Variants in SLC46A1 observed in about 807,000 individuals in gnomAD.
The protein encoded by SLC46A1 is proton-coupled folate transporter.
Under a neutral mutation model 32.1 loss-of-function variants are expected in SLC46A1, and 17 were observed. That is an observed-to-expected ratio of 0.53 (90% CI 0.36 to 0.79). The LOEUF (loss-of-function observed/expected upper bound fraction) is 0.79, where lower values mean the gene tolerates loss of function less well. Among genes scored for constraint, SLC46A1 ranks in the 30% least tolerant of loss-of-function variants. The pLI, the probability that SLC46A1 is intolerant of heterozygous loss-of-function variation, is 0.00. For synonymous variants in SLC46A1, 240 were observed against 262.7 expected (o/e 0.91, Z 0.84); for missense variants, 517 against 588.2 (o/e 0.88, Z 1.25).
chr17:28,405,196 G>C lies in SLC46A1; in HGVS notation c.501C>G (p.Ser167=), dbSNP rs2068243273. 6.2e-7 allele frequency: 1 copy of C among 1,603,488 alleles called. No homozygotes were observed. Among genetic ancestry groups the C allele is most frequent in the Non-Finnish European group, 8.5e-7 (1 of 1,175,144 alleles). Residue 167 remains serine, a synonymous_variant, in exon 2 of 5, where the codon TCC becomes TCG. Coordinates refer to ENST00000612814, the MANE Select transcript of SLC46A1 (RefSeq NM_080669.6). ...FGGLLAASFA[S]VADVSSSRSR... ...TGCGACTGGAGCTGACATCTGCCACGGACGCAAAGCTAGCAGCCAGAAGGC... is the reference window on the plus strand; with the variant it reads ...TGCGACTGGAGCTGACATCTGCCACCGACGCAAAGCTAGCAGCCAGAAGGC...
intron 2 of SLC46A1, 99 bp downstream of exon 2, chr17:28,404,517 G>T: frequency 6.8e-7 from 1 of 1,469,358 alleles, no homozygotes; most frequent in Non-Finnish European, 9.3e-7. Flanking sequence ...TGTTTCCAAA[G>T]ACACAGGAAT....
rs2068126400 is a variant in SLC46A1, at chr17:28,396,535, C to T, written c.*3121G>A. On this transcript the variant is annotated 3_prime_UTR_variant, in exon 5 of 5. Transcript: ENST00000612814. ...CCCCCAGGCCCTGCCATTGGGTTGT[C>T]TGTCTCCGTCATGGGGAGGGTCCCT... 3.7e-6 allele frequency: 2 copies of T among 543,938 alleles called. No homozygotes were observed. The highest frequency in any genetic ancestry group is 6.3e-5 in the East Asian group (2 of 31,986). 33.7% of individuals were successfully genotyped at this position (543,938 alleles called of 1,614,324 possible). A position where few individuals can be genotyped will look rare whatever the true frequency, so the allele number is the denominator to read the frequency against.
chr17:28,395,770 C>A lies in SLC46A1; in HGVS notation c.*3886G>T. ...ATTACACTACAAGGGTTAAGGTAGA[C>A]ATCAAGGTGGACATCAGGACTGGTG... On this transcript the variant is annotated 3_prime_UTR_variant, in exon 5 of 5. Coordinates refer to ENST00000612814, the MANE Select transcript of SLC46A1 (RefSeq NM_080669.6). 2.4e-6 allele frequency: 2 copies of A among 846,564 alleles called. No homozygotes were observed. Among genetic ancestry groups the A allele is most frequent in the Non-Finnish European group, 1.9e-6 (1 of 521,256 alleles). 52.4% of individuals were successfully genotyped at this position (846,564 alleles called of 1,614,324 possible).
chr17:28,405,484 G>T lies in SLC46A1; in HGVS notation c.229-16C>A. 6.3e-7 allele frequency: 1 copy of T among 1,594,718 alleles called. No homozygotes were observed. The highest frequency in any genetic ancestry group is 1.1e-5 in the South Asian group (1 of 87,776). On this transcript the variant is annotated splice_polypyrimidine_tract_variant and intron_variant, in intron 1 of 4. Coordinates refer to ENST00000612814, the MANE Select transcript of SLC46A1 (RefSeq NM_080669.6). ...TCTCCACTTCCTGTAGGGGCACAAT[G>T]ACCAGGGTGCGGTTCCTCACTCTGG...
At chr17:28,405,586 G>A in intron 1 of SLC46A1, 118 bp from the exon 2 acceptor site, 2 of 1,439,416 alleles carry the variant, frequency 1.4e-6, no homozygotes, top group Middle Eastern at 2.4e-4. Context: ...AAACCTCAGA[G>A]AATCTTAGCA....
rs1555589318 is a variant in SLC46A1, at chr17:28,400,622, G to C, written c.1310C>G (p.Ala437Gly). Reference protein sequence around the residue: ...LLGAGLLLIPAVLIGMLEKAD... With the variant: ...LLGAGLLLIPGVLIGMLEKAD... ...GGCCCTGCATTACCCAATCAGAACA[G>C]CCGGGATGAGCAGGAGGCCAGCTCC... The change falls in exon 4 of 5, where the codon GCT (alanine) becomes GGT (glycine). Residue 437 changes from alanine to glycine, a missense_variant. By Grantham distance (60) the Ala-to-Gly change is moderately conservative. Transcript: ENST00000612814. 2 of 1,613,742 alleles carry C rather than the reference G, an allele frequency of 1.2e-6. No individual in the cohort carries two copies. The highest frequency in any genetic ancestry group is 1.1e-5 in the South Asian group (1 of 91,050).
rs1046966571 is a variant in SLC46A1, at chr17:28,395,565, G to T, written c.*4091C>A. The T allele has an allele frequency of 1.9e-4, 45 of 240,186 alleles. No individual in the cohort carries two copies. The highest frequency in any genetic ancestry group is 4.3e-4 in the South Asian group (6 of 14,106). The allele number at this position is 240,186 out of a possible 1,614,324, so 14.9% of individuals were successfully genotyped here. The stretch of plus-strand genomic sequence containing the variant: ...AGTTCCAATCCTCTAGTCATGCCCT[G>T]GTCTCCCTGGTGACCAGCCCTCTTC... On this transcript the variant is annotated 3_prime_UTR_variant, in exon 5 of 5. Transcript: ENST00000612814.
At position 28,396,003 on chromosome 17, in the gene SLC46A1, T is replaced by C. The variant is rs1555587801; in HGVS notation, c.*3653A>G. The C allele has an allele frequency of 6.2e-7, 1 of 1,613,988 alleles. No individual in the cohort carries two copies. The highest frequency in any genetic ancestry group is 8.5e-7 in the Non-Finnish European group (1 of 1,179,876). On this transcript the variant is annotated 3_prime_UTR_variant, in exon 5 of 5. Coordinates refer to ENST00000612814, the MANE Select transcript of SLC46A1 (RefSeq NM_080669.6). ...AGGTCCTGCCTGAGGACATGCAGGCTGTGCTTACTTTCAACGGTATCAAGT... is the reference window on the plus strand; with the variant it reads ...AGGTCCTGCCTGAGGACATGCAGGCCGTGCTTACTTTCAACGGTATCAAGT...
rs1597824846 is a variant in SLC46A1 at position 28,394,853 on chromosome 17, C to T, written c.*4803G>A. 1 of 152,164 alleles carries T rather than the reference C, an allele frequency of 6.6e-6. No individual in the cohort carries two copies. 9.4% of individuals were successfully genotyped at this position (152,164 alleles called of 1,614,324 possible). On this transcript the variant is annotated 3_prime_UTR_variant, in exon 5 of 5. Coordinates refer to ENST00000612814, the MANE Select transcript of SLC46A1 (RefSeq NM_080669.6). The stretch of plus-strand genomic sequence containing the variant: ...GAGAGGAATTTTAGCAGGATTACAA[C>T]ATTTTCCATACAAGACCAGTGCGTA...
Position 28,398,260 on chromosome 17 carries a change from A to G in SLC46A1, c.*1396T>C, listed in dbSNP as rs1463167568. ...GAGAGGTTTCCTGCGTTTTATTTCT[A>G]TTTGGTATACCCTCCACTGTTGTCC... On this transcript the variant is annotated 3_prime_UTR_variant, in exon 5 of 5. Transcript: ENST00000612814. 3 of 152,106 alleles carry G rather than the reference A, an allele frequency of 2.0e-5. No individual in the cohort carries two copies. The highest frequency in any genetic ancestry group is 7.3e-5 in the African/African-American group (3 of 41,360). The allele number at this position is 152,106 out of a possible 1,614,324, so 9.4% of individuals were successfully genotyped here.
Position 28,396,129 on chromosome 17 carries a change from T to A in SLC46A1, c.*3527A>T. On this transcript the variant is annotated 3_prime_UTR_variant, in exon 5 of 5. Transcript: ENST00000612814. The stretch of plus-strand genomic sequence containing the variant: ...TAGCAGCTCCCTCTGCCCAGCTGTC[T>A]GAACCACATTGGCTCCTGTGCCCAC... 6.2e-7 allele frequency: 1 copy of A among 1,613,946 alleles called. No individual in the cohort carries two copies. The highest frequency in any genetic ancestry group is 1.7e-5 in the Admixed American group (1 of 60,028).
rs782058846 is a variant in SLC46A1, at chr17:28,396,269, C to T, written c.*3387G>A. 6.2e-7 allele frequency: 1 copy of T among 1,614,004 alleles called. No homozygotes were observed. Among genetic ancestry groups the T allele is most frequent in the South Asian group, 1.1e-5 (1 of 91,084 alleles). On this transcript the variant is annotated 3_prime_UTR_variant, in exon 5 of 5. Coordinates refer to ENST00000612814, the MANE Select transcript of SLC46A1 (RefSeq NM_080669.6). ...TGACACCAGTTTGGAGGGTGCTGCA[C>T]CCATGGGTCCAACCTAACCAGTCCC...
At chr17:28,402,468 T>C (rs2068209367) in intron 2 of SLC46A1, 147 bp from the exon 3 acceptor site, 2 of 643,284 alleles carry the variant, frequency 3.1e-6, no homozygotes, top group South Asian at 3.9e-5. Context: ...GGGAAGACAG[T>C]AGTCAAGGAG....
chr17:28,395,940 T>A lies in SLC46A1; in HGVS notation c.*3716A>T, dbSNP rs782593787. 2.5e-6 allele frequency: 4 copies of A among 1,613,972 alleles called. No individual in the cohort carries two copies. The highest frequency in any genetic ancestry group is 3.4e-6 in the Non-Finnish European group (4 of 1,179,878). On this transcript the variant is annotated 3_prime_UTR_variant, in exon 5 of 5. Coordinates refer to ENST00000612814, the MANE Select transcript of SLC46A1 (RefSeq NM_080669.6). ...CTGCTTTAAGCTGCGGCAAGAACAT[T>A]GTGCCCATCATTGATGGCTTCGAGT...
At chr17:28,406,408 C>T (rs1051888261), upstream of SLC46A1, 1 of 373,234 alleles carries the variant, frequency 2.7e-6, no homozygotes, top group Non-Finnish European at 4.7e-6. The surrounding 1 kb of genome is among the most constrained non-coding windows in gnomAD (Gnocchi z 4.5). Flanking sequence ...GGCCCAGACA[C>T]ACCACAGATA....
At chr17:28,402,478 G>A in intron 2 of SLC46A1, 157 bp from the exon 3 acceptor site, 3 of 603,520 alleles carry the variant, frequency 5.0e-6, no homozygotes, top group Non-Finnish European at 8.8e-6. Flanking sequence ...TAGTCAAGGA[G>A]GAATGGAGAC....
At position 28,400,717 on chromosome 17, in the gene SLC46A1, C is replaced by T. The variant is rs761549800; in HGVS notation, c.1215G>A (p.Thr405=). The T allele has an allele frequency of 1.9e-6, 3 of 1,604,092 alleles. No homozygotes were observed. The highest frequency in any genetic ancestry group is 1.7e-6 in the Non-Finnish European group (2 of 1,175,560). ...AGAGTGAGTTGAAGATGCCGGAGGC[C>T]GTCAGCATGGCCAGGCTATTCACAC... is the stretch of plus-strand genomic sequence containing the variant. ...VACVNSLAML[T]ASGIFNSLYP... The change falls in exon 4 of 5, where the codon ACG becomes ACA. Residue 405 remains threonine, a synonymous_variant. Coordinates refer to ENST00000612814, the MANE Select transcript of SLC46A1 (RefSeq NM_080669.6).
rs971923304 is a variant in SLC46A1 at position 28,399,495 on chromosome 17, G to A, written c.*161C>T. 2 of 671,160 alleles carry A rather than the reference G, an allele frequency of 3.0e-6. No homozygotes were observed. The highest frequency in any genetic ancestry group is 2.6e-6 in the Non-Finnish European group (1 of 385,208). The allele number at this position is 671,160 out of a possible 1,614,324, so 41.6% of individuals were successfully genotyped here. A position where few individuals can be genotyped will look rare whatever the true frequency, so the allele number is the denominator to read the frequency against. ...GACAGAGGCTGGGTCAGCTGTGGAT[G>A]GGGTGGTGCCTTGGTCTCTCTTGAC... On this transcript the variant is annotated 3_prime_UTR_variant, in exon 5 of 5. Coordinates refer to ENST00000612814, the MANE Select transcript of SLC46A1 (RefSeq NM_080669.6).
chr17:28,406,444 A>T, upstream of SLC46A1: 1 of 305,890 alleles, frequency 3.3e-6, no homozygotes, highest in Non-Finnish European at 6.0e-6. This position sits in a 1 kb window ranked among gnomAD's most constrained non-coding sequence, Gnocchi z 4.5. Context: ...ATTAACATGT[A>T]TTGACCACTT....
Sources: gnomAD v4.1 joint callset for allele counts on GRCh38, gnomAD v4.1.1 for gene constraint, Gnocchi (gnomAD v3.1) non-coding constraint, MANE v1.5 for transcripts, NCBI Gene and HGNC (gene_info 2026-07-23, HGNC 2026-07-21) for gene names.